The following WWOX variants were observed in gnomAD, a reference collection of about 807,000 sequenced individuals.
WWOX encodes WW domain containing oxidoreductase.
In WWOX, 69 loss-of-function variants were observed where a neutral mutation model predicts 46.2. The observed-to-expected ratio is 1.49, with a 90% CI of 1.23 to 1.82. The LOEUF (loss-of-function observed/expected upper bound fraction) is 1.82. Among genes scored for constraint, WWOX ranks in the 40% most tolerant of loss-of-function variants. The pLI, the probability that WWOX is intolerant of heterozygous loss-of-function variation, is 0.00. For missense variants in WWOX, 919 were observed against 542.6 expected, an observed-to-expected ratio of 1.69 and a Z score of -6.89; for synonymous variants, 359 against 202.6, an observed-to-expected ratio of 1.77 and a Z score of -6.56.
chr16:78,504,886 C>T (rs1019549561), intron 8 of WWOX, among the ~76,000 whole-genome samples: 7 of 151,934 alleles, frequency 4.6e-5, no homozygotes, highest in East Asian at 1.9e-4. Flanking sequence ...TGAGCAGTTT[C>T]GAAACCAAAC....
chr16:78,311,265 T>C (rs1051905456), intron 5 of WWOX, among the ~76,000 whole-genome samples: 2 of 152,156 alleles, frequency 1.3e-5, no homozygotes, highest in Non-Finnish European at 2.9e-5. Context: ...CTTCAGCCAA[T>C]TTTTTTGGTA....
intron 8 of WWOX, among the ~76,000 whole-genome samples, chr16:78,854,644 G>A (rs957062154): frequency 2.0e-5 from 3 of 152,162 alleles, no homozygotes; most frequent in African/African-American, 2.4e-5. Context: ...GCAGTGGCGC[G>A]ATCTCAGCTG....
At chr16:78,330,504 C>G (rs937537092) in intron 5 of WWOX, among the ~76,000 whole-genome samples, 1 of 152,036 alleles carries the variant, frequency 6.6e-6, no homozygotes, top group African/African-American at 2.4e-5. Flanking sequence ...TCAAGCAATT[C>G]TCCTGCCTCA....
chr16:78,493,332 T>C (rs1194726663), intron 8 of WWOX, among the ~76,000 whole-genome samples: 1 of 152,184 alleles, frequency 6.6e-6, no homozygotes, highest in African/African-American at 2.4e-5. Flanking sequence ...GAAGCTTCCC[T>C]GGAAAGAAAG....
intron 8 of WWOX, among the ~76,000 whole-genome samples, chr16:79,183,034 G>T (rs190660272): frequency 2.6e-5 from 4 of 152,210 alleles, no homozygotes; most frequent in Admixed American, 2.6e-4. Flanking sequence ...TTCAGGAGGG[G>T]TCACCCCTGC....
intron 8 of WWOX, among the ~76,000 whole-genome samples, chr16:78,494,324 G>A (rs925374226): frequency 2.6e-5 from 4 of 152,138 alleles, no homozygotes; most frequent in Admixed American, 1.3e-4. Context: ...CCAACACAGG[G>A]ATTACAATTC....
chr16:78,827,723 C>T (rs1317905612), intron 8 of WWOX, among the ~76,000 whole-genome samples: 1 of 151,756 alleles, frequency 6.6e-6, no homozygotes, highest in African/African-American at 2.4e-5. Flanking sequence ...TGTCTGTTAT[C>T]CCAGCTACTT....
intron 8 of WWOX, among the ~76,000 whole-genome samples, chr16:78,794,855 C>G (rs1371566201): frequency 6.6e-6 from 1 of 152,232 alleles, no homozygotes; most frequent in African/African-American, 2.4e-5. Flanking sequence ...GCTGCTGACA[C>G]CTGTCTGACT....
In WWOX at chr16:78,103,824, C is replaced by T. The variant is rs149111655; in HGVS notation, c.107+3939C>T. ...GAGGCTGTAGCTCCCACTGAGACCT[C>T]GGGGTCTGGTGGAACCCGGTCTTGT... On this transcript the variant is annotated intron_variant, in intron 1 of 8. Coordinates refer to ENST00000566780, the MANE Select transcript of WWOX (RefSeq NM_016373.4). Among the ~76,000 whole-genome samples, 245 of 152,114 alleles carry T rather than the reference C, an allele frequency of 1.6e-3. 1 individual carries two copies. The highest frequency in any genetic ancestry group is 5.6e-3 in the African/African-American group (233 of 41,482).
intron 8 of WWOX, among the ~76,000 whole-genome samples, chr16:78,627,454 G>T (rs555903290): frequency 6.4e-4 from 97 of 152,288 alleles, no homozygotes; most frequent in African/African-American, 2.2e-3. Flanking sequence ...GGTCTCCAAG[G>T]CCTCTTCCAA....
At chr16:78,868,087 T>C (rs1473813871) in intron 8 of WWOX, among the ~76,000 whole-genome samples, 1 of 152,182 alleles carries the variant, frequency 6.6e-6, no homozygotes, top group African/African-American at 2.4e-5. Context: ...TGAATGTTCA[T>C]AGCAGCATCA....
chr16:78,784,009 A>G (rs1223280661), intron 8 of WWOX, among the ~76,000 whole-genome samples: 2 of 152,056 alleles, frequency 1.3e-5, no homozygotes, highest in South Asian at 2.1e-4. Context: ...TGATGGTGGG[A>G]TGATGTTGAT....
intron 8 of WWOX, among the ~76,000 whole-genome samples, chr16:79,052,496 G>A (rs904097806): frequency 4.6e-5 from 7 of 152,096 alleles, no homozygotes; most frequent in Admixed American, 1.3e-4. Flanking sequence ...TGTTTATTGC[G>A]GCATTATTCA....
intron 5 of WWOX, among the ~76,000 whole-genome samples, chr16:78,372,111 C>T (rs536260888): frequency 1.3e-5 from 2 of 152,270 alleles, no homozygotes; most frequent in South Asian, 4.1e-4. Context: ...AGTTGAGTGC[C>T]CTGCAAACTA....
intron 8 of WWOX, among the ~76,000 whole-genome samples, chr16:78,972,268 T>C (rs1383674377): frequency 6.6e-6 from 1 of 152,096 alleles, no homozygotes; most frequent in Admixed American, 6.6e-5. Flanking sequence ...GTTTGTAACA[T>C]TGAATACTTA....
At chr16:79,055,883 G>A (rs1197219715) in intron 8 of WWOX, among the ~76,000 whole-genome samples, 2 of 152,070 alleles carry the variant, frequency 1.3e-5, no homozygotes, top group African/African-American at 4.8e-5. Flanking sequence ...TTCTCTTTAT[G>A]GATTTCCCTT....
At chr16:78,731,190 A>G (rs1291310756) in intron 8 of WWOX, among the ~76,000 whole-genome samples, 1 of 152,086 alleles carries the variant, frequency 6.6e-6, no homozygotes, top group African/African-American at 2.4e-5. Context: ...ACCGTGGCTA[A>G]TATTTCATTA....
At chr16:79,063,077 T>G (rs777142226) in intron 8 of WWOX, among the ~76,000 whole-genome samples, 3 of 152,148 alleles carry the variant, frequency 2.0e-5, no homozygotes, top group African/African-American at 4.8e-5. Flanking sequence ...TGTTTGAAAG[T>G]TGGTGCCGCG....
At chr16:78,908,610 A>C (rs1426723184) in intron 8 of WWOX, among the ~76,000 whole-genome samples, 5 of 152,064 alleles carry the variant, frequency 3.3e-5, no homozygotes, top group Non-Finnish European at 5.9e-5. Context: ...TTATTACTCA[A>C]ATAAGTCTCC....
Sources: gnomAD v4.1 joint callset for allele counts (sites outside exome capture counted in the v4.1 genomes callset) on GRCh38, gnomAD v4.1.1 for gene constraint, MANE v1.5 for transcripts, NCBI Gene and HGNC (gene_info 2026-07-23, HGNC 2026-07-21) for gene names.